TAFA1: variants seen among roughly 807,000 people sequenced by gnomAD.
TAFA1 encodes TAFA chemokine like family member 1.
In TAFA1, 4 loss-of-function variants were observed where a neutral mutation model predicts 18.5. The observed-to-expected ratio is 0.22, with a 90% CI of 0.11 to 0.49. The LOEUF (loss-of-function observed/expected upper bound fraction) is 0.49. Ranked by LOEUF, TAFA1 falls within the 20% of genes least tolerant of loss-of-function variation. The probability of loss-of-function intolerance (pLI) is 0.98; values close to 1 mark genes in which losing one functional copy is unlikely to be tolerated. For missense variants in TAFA1, 147 were observed against 169.0 expected (o/e 0.87, Z 0.72); for synonymous variants, 56 against 55.2 (o/e 1.01, Z -0.06).
At chr3:68,333,594 C>A (rs2068918790) in intron 2 of TAFA1, among the ~76,000 whole-genome samples, 1 of 152,104 alleles carries the variant, frequency 6.6e-6, no homozygotes, top group African/African-American at 2.4e-5. Context: ...ATATAAAAAA[C>A]CTGCACATGT....
intron 3 of TAFA1, among the ~76,000 whole-genome samples, chr3:68,509,430 C>A (rs956350576): frequency 3.9e-5 from 6 of 152,032 alleles, no homozygotes; most frequent in Non-Finnish European, 5.9e-5. Context: ...TCCTGAAATG[C>A]AAAATTCCAC....
At chr3:68,126,630 G>A (rs1277969924) in intron 2 of TAFA1, among the ~76,000 whole-genome samples, 5 of 152,200 alleles carry the variant, frequency 3.3e-5, no homozygotes, top group Admixed American at 6.5e-5. Flanking sequence ...CAATAGATGA[G>A]GGTGAACTAT....
intron 3 of TAFA1, among the ~76,000 whole-genome samples, chr3:68,471,820 C>A (rs1249695399): frequency 2.0e-5 from 3 of 152,192 alleles, no homozygotes; most frequent in Non-Finnish European, 2.9e-5. Context: ...TATTAACCAT[C>A]ACAGTGTATG....
chr3:68,492,910 A>T (rs1166477217), intron 3 of TAFA1, among the ~76,000 whole-genome samples: 1 of 152,156 alleles, frequency 6.6e-6, no homozygotes, highest in Non-Finnish European at 1.5e-5. Flanking sequence ...GAATATACAG[A>T]TTTCTTGGCT....
intron 2 of TAFA1, among the ~76,000 whole-genome samples, chr3:68,126,127 G>A (rs1034319551): frequency 6.6e-6 from 1 of 152,060 alleles, no homozygotes; most frequent in Non-Finnish European, 1.5e-5. Context: ...TGATTTCTGG[G>A]GACCCAAAGT....
chr3:68,439,771 C>T lies in TAFA1; in HGVS notation c.259+22351C>T, dbSNP rs188996918. On this transcript the variant is annotated intron_variant, in intron 3 of 4. Coordinates refer to ENST00000478136, the MANE Select transcript of TAFA1 (RefSeq NM_213609.4). ...TTGGCAACACCCTGATAGACACACCCGGGATCGATACTTTGCATCCTTCAA... is the reference window on the plus strand; with the variant it reads ...TTGGCAACACCCTGATAGACACACCTGGGATCGATACTTTGCATCCTTCAA... 2.2e-3 allele frequency among the ~76,000 whole-genome samples: 329 copies of T among 151,972 alleles called. 2 individuals carry two copies. The highest frequency in any genetic ancestry group is 3.4e-3 in the Non-Finnish European group (231 of 67,976).
chr3:68,378,520 C>T (rs531002249), intron 2 of TAFA1, among the ~76,000 whole-genome samples: 69 of 152,240 alleles, frequency 4.5e-4, no homozygotes, highest in African/African-American at 1.6e-3. Flanking sequence ...GACTTGCCTT[C>T]TCTCGGATGA....
intron 2 of TAFA1, among the ~76,000 whole-genome samples, chr3:68,385,615 T>A (rs1289720977): frequency 6.6e-6 from 1 of 152,136 alleles, no homozygotes; most frequent in Non-Finnish European, 1.5e-5. Context: ...TGGCATGTTG[T>A]AGGCAATCTC....
chr3:68,085,879 C>T (rs569900929), intron 2 of TAFA1, among the ~76,000 whole-genome samples: 1 of 152,304 alleles, frequency 6.6e-6, no homozygotes, highest in South Asian at 2.1e-4. Context: ...GAATCTGCAA[C>T]ACAGTATCCA....
chr3:68,096,588 A>C (rs1475332847), intron 2 of TAFA1, among the ~76,000 whole-genome samples: 3 of 152,062 alleles, frequency 2.0e-5, no homozygotes, highest in African/African-American at 7.2e-5. Flanking sequence ...CCAGCTGGGG[A>C]AACTAAGGCT....
chr3:68,003,986 T>C (rs1272261423), upstream of TAFA1, among the ~76,000 whole-genome samples: 1 of 152,226 alleles, frequency 6.6e-6, no homozygotes, highest in Non-Finnish European at 1.5e-5. Flanking sequence ...TCCCATTTAC[T>C]GTTAGAAGTC....
chr3:68,370,456 G>GTATATA (rs2069673215), intron 2 of TAFA1, among the ~76,000 whole-genome samples: 2 of 12,148 alleles, frequency 1.6e-4, no homozygotes, highest in African/African-American at 3.2e-4. Flanking sequence ...GTATATATAT[G>GTATATA]TGTGTGTGTG....
intron 2 of TAFA1, among the ~76,000 whole-genome samples, chr3:68,267,203 G>GTA (rs1334425752): frequency 2.0e-5 from 3 of 152,024 alleles, no homozygotes; most frequent in Non-Finnish European, 4.4e-5. Flanking sequence ...TCCACACTGT[G>GTA]GACATACATC....
At chr3:68,020,899 T>C (rs1403216684) in intron 2 of TAFA1, among the ~76,000 whole-genome samples, 1 of 152,008 alleles carries the variant, frequency 6.6e-6, no homozygotes, top group African/African-American at 2.4e-5. Flanking sequence ...AGTTTAGTGG[T>C]GTCTGACCGG....
intron 2 of TAFA1, among the ~76,000 whole-genome samples, chr3:68,409,343 C>T (rs908497624): frequency 1.8e-4 from 27 of 152,188 alleles, no homozygotes; most frequent in African/African-American, 5.1e-4. Context: ...AATCACATCT[C>T]GAATTGTAAT....
At chr3:68,089,294 A>C (rs768600417) in intron 2 of TAFA1, among the ~76,000 whole-genome samples, 35 of 152,278 alleles carry the variant, frequency 2.3e-4, no homozygotes, top group Non-Finnish European at 3.1e-4. Context: ...ACTTTTTGTG[A>C]AGTTTAAATG....
chr3:68,191,464 C>T (rs191370694), intron 2 of TAFA1, among the ~76,000 whole-genome samples: 2 of 151,890 alleles, frequency 1.3e-5, no homozygotes, highest in African/African-American at 4.8e-5. Context: ...TTGTGGCACA[C>T]TAACGATGCT....
chr3:68,397,575 T>C (rs1240995133), intron 2 of TAFA1, among the ~76,000 whole-genome samples: 1 of 152,222 alleles, frequency 6.6e-6, no homozygotes, highest in Non-Finnish European at 1.5e-5. Context: ...GATGGACATT[T>C]GGGTTGTTTG....
At chr3:68,256,350 G>T (rs1387885793) in intron 2 of TAFA1, among the ~76,000 whole-genome samples, 2 of 152,132 alleles carry the variant, frequency 1.3e-5, no homozygotes, top group Non-Finnish European at 2.9e-5. Context: ...TTAGCTCTGA[G>T]GTGTGTCACA....
Sources: allele counts gnomAD v4.1 joint callset (sites outside exome capture counted in the v4.1 genomes callset), GRCh38; gene constraint gnomAD v4.1.1; transcripts MANE v1.5; gene names NCBI Gene and HGNC (gene_info 2026-07-23, HGNC 2026-07-21).